Variants in RELN observed in about 807,000 individuals in gnomAD.
RELN encodes reelin.
A neutral mutation model predicts 427.6 loss-of-function variants in RELN; 108 were observed. That is an observed-to-expected ratio of 0.25 (90% CI 0.22 to 0.30). RELN has a LOEUF of 0.30. Among genes scored for constraint, RELN ranks in the 10% least tolerant of loss-of-function variants. RELN has a pLI of 1.00. For synonymous variants in RELN, 1,524 were observed against 1,513.4 expected (o/e 1.01, Z -0.16); for missense variants, 3,715 against 4,302.8 (o/e 0.86, Z 3.82).
intron 2 of RELN, among the ~76,000 whole-genome samples, chr7:103,906,508 G>A (rs750801508): frequency 6.7e-6 from 1 of 149,692 alleles, no homozygotes; most frequent in East Asian, 2.0e-4. Context: ...AGCCTGGAAA[G>A]CTCCGGTACC....
chr7:103,516,658 T>C lies in RELN; in HGVS notation c.7863-1217A>G, dbSNP rs183501103. Among the ~76,000 whole-genome samples the C allele has an allele frequency of 1.2e-4, 18 of 152,282 alleles. 1 individual carries two copies. In the East Asian group the frequency reaches 3.5e-3, roughly 29 times the overall value. ...GAGGCATACCTCAAGGGATGCCTTT[T>C]CGTGTTTGCAGAACTCCAAGGCAAG... is the stretch of plus-strand genomic sequence containing the variant. On this transcript the variant is annotated intron_variant, in intron 49 of 64. Transcript: ENST00000428762.
intron 49 of RELN, among the ~76,000 whole-genome samples, chr7:103,517,080 A>G (rs1829584084): frequency 6.6e-6 from 1 of 152,182 alleles, no homozygotes; most frequent in South Asian, 2.1e-4. Context: ...CTGTGCGGGT[A>G]CTGGCAGCTG....
Position 103,535,437 on chromosome 7 carries a change from A to G in RELN, c.7228T>C (p.Leu2410=), listed in dbSNP as rs772706417. The G allele has an allele frequency of 2.5e-6, 4 of 1,614,086 alleles. No individual in the cohort carries two copies. The highest frequency in any genetic ancestry group is 1.3e-5 in the African/African-American group (1 of 75,044). ...SVDLGLSWHP[L]VRDCLPTNVE... ...TTGGTAGGCAGACAGTCCCTTACCA[A>G]TGGGTGCCATGACAATCCAAGATCT... is the stretch of plus-strand genomic sequence containing the variant. The change falls in exon 46 of 65, where the codon TTG becomes CTG. Residue 2410 remains leucine (L), a synonymous_variant. Coordinates refer to ENST00000428762, the MANE Select transcript of RELN (RefSeq NM_005045.4).
At chr7:103,964,539 A>G (rs1796624639) in intron 1 of RELN, among the ~76,000 whole-genome samples, 1 of 152,182 alleles carries the variant, frequency 6.6e-6, no homozygotes, top group Non-Finnish European at 1.5e-5. Context: ...TACAATTACC[A>G]CAACTATCAC....
rs372160818 is a variant in RELN, at chr7:103,619,876, T to TTGTGTGTGTG, written c.2703-8083_2703-8074dup. 4.1e-3 allele frequency among the ~76,000 whole-genome samples: 618 copies of TTGTGTGTGTG among 150,764 alleles called. 7 individuals are homozygous for TTGTGTGTGTG. The highest frequency in any genetic ancestry group is 0.014 in the African/African-American group (588 of 41,170). The stretch of plus-strand genomic sequence containing the variant: ...AGTAAGAGTGTGTGTATATGTGTGT[T>TTGTGTGTGTG]TGTGTGTGTGTGTGTGTGTTTGTAG... On this transcript the variant is annotated intron_variant, in intron 20 of 64. Coordinates refer to ENST00000428762, the MANE Select transcript of RELN (RefSeq NM_005045.4).
chr7:103,938,613 T>C (rs571277482), intron 1 of RELN, among the ~76,000 whole-genome samples: 3 of 152,348 alleles, frequency 2.0e-5, no homozygotes, highest in South Asian at 4.1e-4. Flanking sequence ...AATTATCTAA[T>C]TATGTTGTGT....
intron 3 of RELN, among the ~76,000 whole-genome samples, chr7:103,827,358 G>A (rs1249558011): frequency 6.6e-6 from 1 of 151,830 alleles, no homozygotes; most frequent in African/African-American, 2.4e-5. Flanking sequence ...GAAAAGAGGG[G>A]GGAAAATGAA....
In RELN at chr7:103,989,587, G is replaced by A. The variant is rs1042885094; in HGVS notation, c.-231C>T. 1.1e-3 allele frequency: 422 copies of A among 390,772 alleles called. 2 individuals carry two copies. Among genetic ancestry groups the A allele is most frequent in the Non-Finnish European group, 1.6e-3 (354 of 228,338 alleles). 24.2% of individuals were successfully genotyped at this position (390,772 alleles called of 1,614,324 possible). On this transcript the variant is annotated 5_prime_UTR_variant, in exon 1 of 65. Coordinates refer to ENST00000428762, the MANE Select transcript of RELN (RefSeq NM_005045.4). The surrounding 1 kb of genome is among the most constrained non-coding windows in gnomAD (Gnocchi z 4.9). The stretch of plus-strand genomic sequence containing the variant: ...GGAGCGCGGGACCGGGGCTGCGGGC[G>A]CCGAGAGCGCGTCGTCTGCCGCCTC...
intron 1 of RELN, among the ~76,000 whole-genome samples, chr7:103,918,074 T>C (rs1795528166): frequency 6.6e-6 from 1 of 151,910 alleles, no homozygotes; most frequent in Non-Finnish European, 1.5e-5. Context: ...ATGACCAGAG[T>C]CACATTAACT....
intron 3 of RELN, among the ~76,000 whole-genome samples, chr7:103,796,295 T>C (rs1030946502): frequency 1.3e-5 from 2 of 152,182 alleles, no homozygotes; most frequent in African/African-American, 2.4e-5. Context: ...TTTAAAACAA[T>C]AGCAATTTTG....
At chr7:103,732,859 G>A (rs1790389854) in intron 6 of RELN, among the ~76,000 whole-genome samples, 1 of 152,022 alleles carries the variant, frequency 6.6e-6, no homozygotes, top group African/African-American at 2.4e-5. Flanking sequence ...TCTCCCATTT[G>A]TAGGTTGCCT....
At chr7:103,649,762 ATATC>A (rs1236947146) in intron 16 of RELN, among the ~76,000 whole-genome samples, 1 of 152,068 alleles carries the variant, frequency 6.6e-6, no homozygotes, top group Admixed American at 6.6e-5. Context: ...AAAAAGATAT[ATATC>A]TAAGTTTTCT....
Position 103,721,649 on chromosome 7 carries a change from A to G in RELN, c.805+1491T>C, listed in dbSNP as rs116524431. ...TTGGTGTAGGAGCTCTCCACCCTTG[A>G]ATAAAGTACAAATAATATTAGAATT... On this transcript the variant is annotated intron_variant, in intron 8 of 64. Transcript: ENST00000428762. Among the ~76,000 whole-genome samples the G allele has an allele frequency of 9.6e-3, 1,467 of 152,296 alleles. 26 individuals carry two copies. Among genetic ancestry groups the G allele is most frequent in the African/African-American group, 0.033 (1,384 of 41,558 alleles).
At position 103,757,059 on chromosome 7, in the gene RELN, C is replaced by T. The variant is rs115980368; in HGVS notation, c.545-3845G>A. ...CACATTTACTGAGGTAAATGCACCA[C>T]GGAAAAATTAAAGTAGCCTGAGGAA... On this transcript the variant is annotated intron_variant, in intron 4 of 64. Coordinates refer to ENST00000428762, the MANE Select transcript of RELN (RefSeq NM_005045.4). 8.8e-3 allele frequency among the ~76,000 whole-genome samples: 1,340 copies of T among 152,132 alleles called. 24 individuals carry two copies. Among genetic ancestry groups the T allele is most frequent in the African/African-American group, 0.03 (1,239 of 41,492 alleles).
intron 1 of RELN, among the ~76,000 whole-genome samples, chr7:103,954,458 GCA>G (rs1796395116): frequency 1.3e-5 from 2 of 151,934 alleles, no homozygotes; most frequent in African/African-American, 2.4e-5. Context: ...GTGTGTGTGT[GCA>G]CACACATGCA....
chr7:103,887,359 G>A (rs1794746610), intron 2 of RELN, among the ~76,000 whole-genome samples: 1 of 152,160 alleles, frequency 6.6e-6, no homozygotes, highest in Admixed American at 6.6e-5. Flanking sequence ...GCACGTCAAA[G>A]GATGCAGAAT....
intron 1 of RELN, among the ~76,000 whole-genome samples, chr7:103,935,533 T>C (rs867944070): frequency 5.1e-4 from 78 of 152,112 alleles, no homozygotes; most frequent in African/African-American, 1.9e-3. Flanking sequence ...TAGGCCCTCT[T>C]CCACTCCTAT....
intron 8 of RELN, among the ~76,000 whole-genome samples, chr7:103,721,723 A>T (rs896425967): frequency 6.6e-5 from 10 of 152,178 alleles, no homozygotes; most frequent in Non-Finnish European, 1.3e-4. Flanking sequence ...TTAATTGCTT[A>T]AAGACAATAT....
chr7:103,704,189 G>A (rs538396900), intron 8 of RELN, among the ~76,000 whole-genome samples: 8 of 152,230 alleles, frequency 5.3e-5, no homozygotes, highest in Admixed American at 5.2e-4. Context: ...CCTAGTCATA[G>A]CAACTGTCAC....
Sources: allele counts gnomAD v4.1 joint callset (sites outside exome capture counted in the v4.1 genomes callset), GRCh38; gene constraint gnomAD v4.1.1; non-coding constraint Gnocchi (gnomAD v3.1); transcripts MANE v1.5; gene names NCBI Gene and HGNC (gene_info 2026-07-23, HGNC 2026-07-21).